Variants in ZNF789 observed in about 807,000 individuals in gnomAD.
ZNF789 encodes zinc finger protein 789.
Under a neutral mutation model 15.6 loss-of-function variants are expected in ZNF789, and 11 were observed. The observed-to-expected ratio is 0.70, with a 90% CI of 0.44 to 1.16. The LOEUF (loss-of-function observed/expected upper bound fraction) is 1.16, where lower values mean the gene tolerates loss of function less well. ZNF789 is among the 50% of genes most tolerant of loss of function. ZNF789 has a pLI of 0.00. For synonymous variants in ZNF789, 159 were observed against 176.0 expected, an observed-to-expected ratio of 0.90 and a Z score of 0.76; for missense variants, 461 against 512.6, an observed-to-expected ratio of 0.90 and a Z score of 0.97.
At chr7:99,482,660 G>C (rs973073201) in intron 3 of ZNF789, among the ~76,000 whole-genome samples, 1 of 152,018 alleles carries the variant, frequency 6.6e-6, no homozygotes, top group Non-Finnish European at 1.5e-5. Context: ...TTCGAGACCA[G>C]CCTGAGCAAC....
rs1379526392 is a variant in ZNF789 at position 99,485,517 on chromosome 7, G to GT, written c.266-956dup. The GT allele has an allele frequency of 1.3e-5, 6 of 476,228 alleles. No individual in the cohort carries two copies. The East Asian group carries it at 1.3e-4, about 10-fold the overall frequency. The allele number at this position is 476,228 out of a possible 1,614,324, so 29.5% of individuals were successfully genotyped here. ...ATACTTTGTCCATTTTTAAGCAGATGTTTCACCTAGAGTTATTAAAAACGT... is the reference window on the plus strand; with the variant it reads ...ATACTTTGTCCATTTTTAAGCAGATGTTTTCACCTAGAGTTATTAAAAACGT... On this transcript the variant is annotated intron_variant, in intron 4 of 4. Coordinates refer to ENST00000331410, the MANE Select transcript of ZNF789 (RefSeq NM_213603.3).
chr7:99,479,415 A>G (rs548084044), intron 2 of ZNF789: 190 of 365,070 alleles, frequency 5.2e-4, no homozygotes, highest in Non-Finnish European at 7.6e-4. Context: ...GAGGGCCTGA[A>G]AAGCCTAAAA....
chr7:99,476,319 C>A, intron 1 of ZNF789, 84 bp from the exon 2 acceptor site: 3 of 838,194 alleles, frequency 3.6e-6, no homozygotes, highest in Non-Finnish European at 1.8e-6. Flanking sequence ...GTCTGTGTGC[C>A]CCGTTGGAAT....
At chr7:99,476,239 C>G (rs1799327496) in intron 1 of ZNF789, 164 bp from the exon 2 acceptor site, 2 of 546,510 alleles carry the variant, frequency 3.7e-6, no homozygotes, top group Non-Finnish European at 6.4e-6. Flanking sequence ...AATTACTAGA[C>G]TTATTGTAGC....
intron 3 of ZNF789, chr7:99,482,245 A>C: frequency 1.3e-6 from 1 of 779,084 alleles, no homozygotes; most frequent in Non-Finnish European, 2.4e-6. Flanking sequence ...ACTTTAGGCT[A>C]TATTTCTAAG....
chr7:99,479,842 C>T (rs1799527980), intron 3 of ZNF789, 55 bp downstream of exon 3: 24 of 1,515,798 alleles, frequency 1.6e-5, no homozygotes, highest in Non-Finnish European at 2.1e-5. Context: ...TCTGTGCAAG[C>T]CCTTAGTCCC....
At chr7:99,478,547 T>G in intron 2 of ZNF789, 1 of 409,626 alleles carries the variant, frequency 2.4e-6, no homozygotes. Flanking sequence ...GTTTGCCCTT[T>G]CCCTGCACAC....
At chr7:99,477,872 G>A (rs944300900) in intron 2 of ZNF789, among the ~76,000 whole-genome samples, 3 of 152,126 alleles carry the variant, frequency 2.0e-5, no homozygotes, top group Admixed American at 6.5e-5. Context: ...TGCTTGAACC[G>A]AGGAGGTGGA....
chr7:99,481,309 T>A (rs1241600287), intron 3 of ZNF789: 1 of 152,238 alleles, frequency 6.6e-6, no homozygotes, highest in East Asian at 1.9e-4. Flanking sequence ...TATAAATCTT[T>A]GCATGAATTT....
Position 99,487,325 on chromosome 7 carries a change from G to T in ZNF789, c.1115G>T (p.Gly372Val). Reference sequence around the variant, plus strand: ...ACAAAGGAGGAATTCTTTCAATGTGGAGAATGTGGGAAAACGTTTAGTTTT... The same window carrying T: ...ACAAAGGAGGAATTCTTTCAATGTGTAGAATGTGGGAAAACGTTTAGTTTT... ...IHTKEEFFQC[G>V]ECGKTFSFKR... The change falls in exon 5 of 5, where the codon GGA (glycine) becomes GTA (valine). Residue 372 changes from glycine (G) to valine (V), a missense_variant. Transcript: ENST00000331410. 1.9e-6 allele frequency: 3 copies of T among 1,614,230 alleles called. No homozygotes were observed. The highest frequency in any genetic ancestry group is 2.5e-6 in the Non-Finnish European group (3 of 1,180,040).
At position 99,486,732 on chromosome 7, in the gene ZNF789, A is replaced by C; in HGVS notation, c.522A>C (p.Arg174Ser). The C allele has an allele frequency of 6.2e-7, 1 of 1,614,256 alleles. No homozygotes were observed. The highest frequency in any genetic ancestry group is 8.5e-7 in the Non-Finnish European group (1 of 1,180,050). ...QNAQTRWKQGRYDEDGKPFNQ... is the reference protein window; with the variant it reads ...QNAQTRWKQGSYDEDGKPFNQ... Reference sequence around the variant, plus strand: ...CGCAAACAAGGTGGAAGCAGGGCAGATATGATGAGGATGGCAAACCCTTCA... The same window carrying C: ...CGCAAACAAGGTGGAAGCAGGGCAGCTATGATGAGGATGGCAAACCCTTCA... The change falls in exon 5 of 5, where the codon AGA becomes AGC. Residue 174 changes from arginine to serine, a missense_variant. Arg to Ser is a moderately radical substitution (Grantham distance 110). Coordinates refer to ENST00000331410, the MANE Select transcript of ZNF789 (RefSeq NM_213603.3).
intron 3 of ZNF789, 21 bp downstream of exon 3, chr7:99,479,808 T>G: frequency 6.2e-7 from 1 of 1,609,702 alleles, no homozygotes; most frequent in Non-Finnish European, 8.5e-7. Flanking sequence ...GCTTGAAGAT[T>G]GGGCTTTGTC....
In ZNF789 at chr7:99,487,436, A is replaced by G. The variant is rs753570845; in HGVS notation, c.1226A>G (p.His409Arg). Residue 409 changes from histidine to arginine, a missense_variant, in exon 5 of 5, where the codon CAC becomes CGC. Physicochemically the swap from His to Arg is conservative, Grantham distance 29. Coordinates refer to ENST00000331410, the MANE Select transcript of ZNF789 (RefSeq NM_213603.3). ...ATATGTGGAAAATCTTTCAAGTGGC[A>G]CACAAGCTTTATTAAGCACCAGGGC... ...CVICGKSFKW[H>R]TSFIKHQGTH... is the part of the protein sequence containing the mutation. 1 of 1,614,136 alleles carries G rather than the reference A, an allele frequency of 6.2e-7. No individual in the cohort carries two copies.
At chr7:99,481,999 GTTTTGGATTTCGGATTTTTCTT>G (rs1272314749) in intron 3 of ZNF789, 1 of 618,784 alleles carries the variant, frequency 1.6e-6, no homozygotes, top group African/African-American at 1.8e-5. Flanking sequence ...GACCAAAAGT[GTTTTGGATTTCGGATTTTTCTT>G]TTTTGGATTT....
rs766264845 is a variant in ZNF789 at position 99,487,459 on chromosome 7, G to A, written c.1249G>A (p.Gly417Ser). ...KWHTSFIKHQ[G>S]THKGQIST is the part of the protein sequence containing the mutation. ...GCACACAAGCTTTATTAAGCACCAG[G>A]GCACTCACAAAGGACAGATATCCAC... Residue 417 changes from glycine to serine, a missense_variant, in exon 5 of 5, where the codon GGC (glycine) becomes AGC (serine). By Grantham distance (56) the Gly-to-Ser change is moderately conservative. Transcript: ENST00000331410. 1 of 1,613,880 alleles carries A rather than the reference G, an allele frequency of 6.2e-7. No homozygotes were observed. Among genetic ancestry groups the A allele is most frequent in the Non-Finnish European group, 8.5e-7 (1 of 1,179,862 alleles).
In ZNF789 at chr7:99,486,776, T is replaced by G. The variant is rs752134117; in HGVS notation, c.566T>G (p.Leu189Trp). The G allele has an allele frequency of 8.0e-5, 129 of 1,614,076 alleles. No homozygotes were observed. Among genetic ancestry groups the G allele is most frequent in the Middle Eastern group, 3.3e-4 (2 of 6,084 alleles). The change falls in exon 5 of 5, where the codon TTG becomes TGG. Residue 189 changes from leucine to tryptophan, a missense_variant. Transcript: ENST00000331410. ...CCCTTCAATCAAAGATCTTTGCTTT[T>G]GGGGCATGAGCGAATTCTCACAAGA... is the stretch of plus-strand genomic sequence containing the variant. The part of the protein sequence containing the change: ...GKPFNQRSLL[L>W]GHERILTRAK...
intron 3 of ZNF789, 77 bp downstream of exon 3, chr7:99,479,864 T>C (rs1375158031): frequency 6.8e-7 from 1 of 1,468,730 alleles, no homozygotes; most frequent in South Asian, 1.4e-5. Flanking sequence ...TATCTGCAAT[T>C]CCAGAATCAG....
intron 4 of ZNF789, among the ~76,000 whole-genome samples, 156 bp downstream of exon 4, chr7:99,484,299 G>A (rs781240482): frequency 2.2e-4 from 34 of 152,120 alleles, no homozygotes; most frequent in African/African-American, 2.4e-5. Flanking sequence ...GAGGAAGATC[G>A]GCGTCCCCAT....
Position 99,479,717 on chromosome 7 carries a change from C to T in ZNF789, c.81C>T (p.His27=). 1 of 1,613,890 alleles carries T rather than the reference C, an allele frequency of 6.2e-7. No individual in the cohort carries two copies. Among genetic ancestry groups the T allele is most frequent in the South Asian group, 1.1e-5 (1 of 91,044 alleles). The part of the protein sequence containing the change: ...AMYFTREEWG[H]LNWGQKDLYR... ...ACTTCACCAGAGAGGAGTGGGGCCA[C>T]CTCAACTGGGGTCAGAAGGACCTCT... The change falls in exon 3 of 5, where the codon CAC becomes CAT. Residue 27 remains histidine, a synonymous_variant. Transcript: ENST00000331410.
Sources: allele counts gnomAD v4.1 joint callset (sites outside exome capture counted in the v4.1 genomes callset), GRCh38; gene constraint gnomAD v4.1.1; transcripts MANE v1.5; gene names NCBI Gene and HGNC (gene_info 2026-07-23, HGNC 2026-07-21).